Variants in C1orf185 observed in about 807,000 individuals in gnomAD.
The protein encoded by C1orf185 is uncharacterized protein C1orf185.
C1orf185 carries 13 observed loss-of-function variants against 16.1 expected under a neutral mutation model. That is an observed-to-expected ratio of 0.81 (90% confidence interval 0.53 to 1.28). C1orf185 has a LOEUF of 1.28. Among genes scored for constraint, C1orf185 ranks in the 50% most tolerant of loss-of-function variants. The pLI, the probability that C1orf185 is intolerant of heterozygous loss-of-function variation, is 0.00. For missense variants in C1orf185, 220 were observed against 225.2 expected, an observed-to-expected ratio of 0.98 and a Z score of 0.15; for synonymous variants, 80 against 76.9, an observed-to-expected ratio of 1.04 and a Z score of -0.21.
chr1:51,139,620 T>A (rs1434613102), intron 3 of C1orf185, among the ~76,000 whole-genome samples: 3 of 152,196 alleles, frequency 2.0e-5, no homozygotes, highest in African/African-American at 7.2e-5. Context: ...ATCTATTACT[T>A]CACAGTGTTG....
chr1:51,147,855 A>C lies in C1orf185; in HGVS notation c.*84A>C. On this transcript the variant is annotated 3_prime_UTR_variant, in exon 5 of 5. Transcript: ENST00000371759. The stretch of plus-strand genomic sequence containing the variant: ...ATATAAAACCTTCAACATAATACTG[A>C]ATGACTTTTTTCTTTTGAAACCTTG... 1 of 1,236,808 alleles carries C rather than the reference A, an allele frequency of 8.1e-7. No homozygotes were observed. The highest frequency in any genetic ancestry group is 1.1e-6 in the Non-Finnish European group (1 of 926,644). The allele number at this position is 1,236,808 out of a possible 1,614,324, so 76.6% of individuals were successfully genotyped here.
At chr1:51,125,880 A>C (rs1301497167) in intron 3 of C1orf185, among the ~76,000 whole-genome samples, 1 of 152,164 alleles carries the variant, frequency 6.6e-6, no homozygotes, top group Non-Finnish European at 1.5e-5. Context: ...AACAGGAGCT[A>C]GGTGCGGTGG....
intron 3 of C1orf185, among the ~76,000 whole-genome samples, chr1:51,140,382 T>C (rs1181482384): frequency 3.9e-5 from 6 of 152,230 alleles, no homozygotes; most frequent in African/African-American, 9.6e-5. Flanking sequence ...AGGGAAAATA[T>C]GCCTTCTGGT....
Position 51,147,776 on chromosome 1 carries a change from C to T in C1orf185, c.*5C>T, listed in dbSNP as rs1451864569. The T allele has an allele frequency of 1.3e-6, 2 of 1,495,892 alleles. No individual in the cohort carries two copies. Among genetic ancestry groups the T allele is most frequent in the Admixed American group, 2.4e-5 (1 of 41,288 alleles). 92.7% of individuals were successfully genotyped at this position (1,495,892 alleles called of 1,614,324 possible). On this transcript the variant is annotated 3_prime_UTR_variant, in exon 5 of 5. Transcript: ENST00000371759. ...GTACTGAATGACACTTTATGACCATCAAAAAGATGACTACATTAAGGGAAA... is the reference window on the plus strand; with the variant it reads ...GTACTGAATGACACTTTATGACCATTAAAAAGATGACTACATTAAGGGAAA...
chr1:51,111,961 C>T (rs1235744544), intron 1 of C1orf185, among the ~76,000 whole-genome samples: 1 of 152,222 alleles, frequency 6.6e-6, no homozygotes, highest in East Asian at 1.9e-4. Flanking sequence ...CACGCCCATC[C>T]TCATTTTACC....
At chr1:51,103,242 C>T (rs116580398) in intron 1 of C1orf185, among the ~76,000 whole-genome samples, 2,453 of 151,690 alleles carry the variant, frequency 0.016, 29 homozygotes, top group Non-Finnish European at 0.022. Context: ...TCCATCTCTA[C>T]AAAAAATTTA....
At position 51,112,574 on chromosome 1, in the gene C1orf185, G is replaced by A; in HGVS notation, c.122+5G>A. On this transcript the variant is annotated splice_donor_5th_base_variant and intron_variant, in intron 2 of 4. Coordinates refer to ENST00000371759, the MANE Select transcript of C1orf185 (RefSeq NM_001136508.2). ...GTTCCTGATTTGCAAACGAAGGTAA[G>A]GATTATTCGAATATTTCTTTAACCT... 6.6e-7 allele frequency: 1 copy of A among 1,523,890 alleles called. No individual in the cohort carries two copies. Among genetic ancestry groups the A allele is most frequent in the South Asian group, 1.3e-5 (1 of 78,312 alleles). The allele number at this position is 1,523,890 out of a possible 1,614,324, so 94.4% of individuals were successfully genotyped here.
intron 4 of C1orf185, 29 bp from the exon 5 acceptor site, chr1:51,147,438 T>A: frequency 1.4e-6 from 2 of 1,457,772 alleles, no homozygotes; most frequent in Admixed American, 5.0e-5. Context: ...TGTGAATATA[T>A]AATATTCATA....
intron 3 of C1orf185, among the ~76,000 whole-genome samples, chr1:51,122,656 G>A (rs1458453100): frequency 6.6e-6 from 1 of 152,068 alleles, no homozygotes; most frequent in East Asian, 1.9e-4. Context: ...GTAGTCTATG[G>A]GTTTTGACAA....
intron 3 of C1orf185, among the ~76,000 whole-genome samples, chr1:51,121,163 A>G (rs1321835456): frequency 1.3e-5 from 2 of 152,128 alleles, no homozygotes; most frequent in African/African-American, 4.8e-5. Flanking sequence ...ATACATTGTT[A>G]TTAACTATAA....
chr1:51,106,939 A>G (rs866000797), intron 1 of C1orf185, among the ~76,000 whole-genome samples: 1 of 151,978 alleles, frequency 6.6e-6, no homozygotes, highest in Admixed American at 6.6e-5. Context: ...TTGTATTTTT[A>G]GTAGAGACAG....
intron 1 of C1orf185, among the ~76,000 whole-genome samples, chr1:51,108,813 T>A (rs1228838381): frequency 6.6e-6 from 1 of 152,256 alleles, no homozygotes; most frequent in Admixed American, 6.5e-5. Flanking sequence ...TATTCATTCA[T>A]TTATTGATGG....
At chr1:51,119,564 G>A (rs140325603) in intron 3 of C1orf185, among the ~76,000 whole-genome samples, 5 of 152,334 alleles carry the variant, frequency 3.3e-5, no homozygotes, top group Admixed American at 6.5e-5. Flanking sequence ...AACCAAGGGC[G>A]GGAGGATTGC....
chr1:51,133,799 A>G (rs757613770), intron 3 of C1orf185, among the ~76,000 whole-genome samples: 39 of 152,378 alleles, frequency 2.6e-4, no homozygotes, highest in Admixed American at 1.7e-3. Flanking sequence ...CGATTACATA[A>G]TCAGAAGTAA....
At chr1:51,133,349 G>A (rs1346109018) in intron 3 of C1orf185, among the ~76,000 whole-genome samples, 2 of 152,128 alleles carry the variant, frequency 1.3e-5, no homozygotes, top group African/African-American at 4.8e-5. Flanking sequence ...CAAAATAAAG[G>A]AATGATGAAA....
At chr1:51,139,124 CAG>C (rs1188792979) in intron 3 of C1orf185, among the ~76,000 whole-genome samples, 2 of 151,046 alleles carry the variant, frequency 1.3e-5, no homozygotes, top group Non-Finnish European at 2.9e-5. Flanking sequence ...TTCCCAGAGA[CAG>C]AGTCTCACTC....
intron 3 of C1orf185, among the ~76,000 whole-genome samples, chr1:51,122,290 T>G (rs1646203309): frequency 6.6e-6 from 1 of 152,192 alleles, no homozygotes; most frequent in African/African-American, 2.4e-5. Context: ...TTCCAAATTG[T>G]TTTCCAAAGT....
chr1:51,110,803 T>C (rs1459377852), intron 1 of C1orf185, among the ~76,000 whole-genome samples: 12 of 151,984 alleles, frequency 7.9e-5, no homozygotes, highest in Admixed American at 7.9e-4. Flanking sequence ...ACCCCGTGTC[T>C]ACTAAAAATA....
chr1:51,135,006 G>A (rs1646312860), intron 3 of C1orf185, among the ~76,000 whole-genome samples: 1 of 152,172 alleles, frequency 6.6e-6, no homozygotes, highest in African/African-American at 2.4e-5. Flanking sequence ...TATGAGGCCA[G>A]CATCATCCTG....
Sources: gnomAD v4.1 joint callset for allele counts (sites outside exome capture counted in the v4.1 genomes callset) on GRCh38, gnomAD v4.1.1 for gene constraint, MANE v1.5 for transcripts, NCBI Gene and HGNC (gene_info 2026-07-23, HGNC 2026-07-21) for gene names.